Variants in SLCO3A1 observed in about 807,000 individuals in gnomAD.
SLCO3A1 encodes the protein PGE1 transporter.
Under a neutral mutation model 63.1 loss-of-function variants are expected in SLCO3A1, and 27 were observed. The ratio of observed to expected loss-of-function variants is 0.43; its 90% CI spans 0.32 to 0.59. SLCO3A1 has a LOEUF of 0.59. Among genes scored for constraint, SLCO3A1 ranks in the 20% least tolerant of loss-of-function variants. The probability of loss-of-function intolerance (pLI) is 0.09; values close to 1 mark genes in which losing one functional copy is unlikely to be tolerated. For synonymous variants in SLCO3A1, 473 were observed against 409.9 expected, an observed-to-expected ratio of 1.15 and a Z score of -1.86; for missense variants, 773 against 945.8, an observed-to-expected ratio of 0.82 and a Z score of 2.40.
intron 2 of SLCO3A1, among the ~76,000 whole-genome samples, chr15:91,956,985 A>ACTATATTAT (rs1297821954): frequency 6.0e-5 from 1 of 16,568 alleles, no homozygotes; most frequent in African/African-American, 7.5e-4. Context: ...TAGTATATAT[A>ACTATATTAT]ATATATAGTA....
chr15:92,170,469 C>A (rs1325368518), downstream of SLCO3A1, among the ~76,000 whole-genome samples: 1 of 152,178 alleles, frequency 6.6e-6, no homozygotes, highest in Admixed American at 6.5e-5. Flanking sequence ...TAAAGCTCAG[C>A]AAATCCAACC....
chr15:91,873,805 G>C (rs1275591825), intron 1 of SLCO3A1, among the ~76,000 whole-genome samples: 1 of 152,018 alleles, frequency 6.6e-6, no homozygotes, highest in Non-Finnish European at 1.5e-5. Flanking sequence ...GCCATTTCTA[G>C]CTCTATACCT....
intron 2 of SLCO3A1, among the ~76,000 whole-genome samples, chr15:91,990,456 C>G (rs1226525026): frequency 2.0e-5 from 3 of 152,084 alleles, no homozygotes; most frequent in African/African-American, 7.2e-5. Context: ...GACCATCCTT[C>G]TCAGACTCCT....
chr15:91,897,137 A>G lies in SLCO3A1; in HGVS notation c.181-18856A>G, dbSNP rs1438988876. On this transcript the variant is annotated intron_variant, in intron 1 of 9. Coordinates refer to ENST00000318445, the MANE Select transcript of SLCO3A1 (RefSeq NM_013272.4). The surrounding 1 kb of genome is among the most constrained non-coding windows in gnomAD (Gnocchi z 4.7). ...ATAAGTTCCTACCACACTATTTGCC[A>G]TTGTCTATACAATTGTTGCTTTTAA... Among the ~76,000 whole-genome samples the G allele has an allele frequency of 6.6e-6, 1 of 152,186 alleles. No individual in the cohort carries two copies. Among genetic ancestry groups the G allele is most frequent in the Non-Finnish European group, 1.5e-5 (1 of 68,036 alleles).
At chr15:92,006,235 G>A (rs12148487) in intron 2 of SLCO3A1, among the ~76,000 whole-genome samples, 18,696 of 152,178 alleles carry the variant, frequency 0.12, 1,239 homozygotes, top group Non-Finnish European at 0.15. Flanking sequence ...TCTGCACTTC[G>A]AGAAAGAGCA....
chr15:92,169,180 T>C (rs541639313), downstream of SLCO3A1, among the ~76,000 whole-genome samples: 4 of 152,330 alleles, frequency 2.6e-5, no homozygotes, highest in East Asian at 3.9e-4. Context: ...GGAGCTGTTA[T>C]TGGCTTCATT....
intron 1 of SLCO3A1, among the ~76,000 whole-genome samples, chr15:91,861,605 A>G (rs1234825475): frequency 6.6e-6 from 1 of 152,130 alleles, no homozygotes; most frequent in Non-Finnish European, 1.5e-5. Flanking sequence ...AAAAGCAAAA[A>G]GTAACATAGG....
At chr15:91,906,196 C>T (rs12593787) in intron 1 of SLCO3A1, among the ~76,000 whole-genome samples, 112,956 of 152,208 alleles carry the variant, frequency 0.74, 43,247 homozygotes, top group East Asian at 0.97. Context: ...AAATGTTCAA[C>T]ATGATTGTAT....
At chr15:92,134,320 A>G (rs185461827) in intron 7 of SLCO3A1, among the ~76,000 whole-genome samples, 61 of 152,340 alleles carry the variant, frequency 4.0e-4, no homozygotes, top group African/African-American at 1.5e-3. Context: ...GACTATTCTG[A>G]AATCAAACCC....
Position 91,950,824 on chromosome 15 carries a change from G to A in SLCO3A1, c.646+34366G>A, listed in dbSNP as rs1037200922. Among the ~76,000 whole-genome samples, 3 of 151,990 alleles carry A rather than the reference G, an allele frequency of 2.0e-5. No homozygotes were observed. The highest frequency in any genetic ancestry group is 7.3e-5 in the African/African-American group (3 of 41,352). Reference sequence around the variant, plus strand: ...ATGCTAATTCTGCCTTTAGTAATTTGATGACAGAGACTTCTTGGGAACCAC... The same window carrying A: ...ATGCTAATTCTGCCTTTAGTAATTTAATGACAGAGACTTCTTGGGAACCAC... On this transcript the variant is annotated intron_variant, in intron 2 of 9. Coordinates refer to ENST00000318445, the MANE Select transcript of SLCO3A1 (RefSeq NM_013272.4). This position sits in a 1 kb window ranked among gnomAD's most constrained non-coding sequence, Gnocchi z 4.4.
chr15:92,069,089 TCCCCCCG>T (rs869265918), intron 2 of SLCO3A1, among the ~76,000 whole-genome samples: 647 of 59,032 alleles, frequency 0.011, 5 homozygotes, highest in African/African-American at 0.032. Context: ...ATTCAAGGGC[TCCCCCCG>T]CCCCCCCCCC....
intron 7 of SLCO3A1, among the ~76,000 whole-genome samples, chr15:92,133,596 G>A (rs2048022142): frequency 1.4e-5 from 2 of 145,008 alleles, no homozygotes; most frequent in African/African-American, 5.0e-5. Flanking sequence ...TCTTACAGGA[G>A]CATGAACTTA....
chr15:92,142,716 A>AC (rs2048150342), intron 7 of SLCO3A1, among the ~76,000 whole-genome samples: 1 of 152,056 alleles, frequency 6.6e-6, no homozygotes, highest in Non-Finnish European at 1.5e-5. Flanking sequence ...CATTTAGCTC[A>AC]CCCGGATGGG....
At chr15:92,130,884 GCAAAAAAAA>G (rs1488638139) in intron 7 of SLCO3A1, among the ~76,000 whole-genome samples, 9 of 107,332 alleles carry the variant, frequency 8.4e-5, no homozygotes, top group Middle Eastern at 5.2e-3. Context: ...CAAGTTCGGG[GCAAAAAAAA>G]AAAAAAAAAA....
At chr15:92,135,316 C>G (rs2048043883) in intron 7 of SLCO3A1, among the ~76,000 whole-genome samples, 1 of 152,172 alleles carries the variant, frequency 6.6e-6, no homozygotes, top group Non-Finnish European at 1.5e-5. Context: ...TTCCTCCCCT[C>G]AGCAGGAGAT....
intron 1 of SLCO3A1, among the ~76,000 whole-genome samples, chr15:91,914,092 T>C (rs1410685258): frequency 6.6e-6 from 1 of 152,200 alleles, no homozygotes. Context: ...TACATGTATG[T>C]GTTGTTGACT....
At chr15:92,129,137 C>A (rs1376221014) in intron 7 of SLCO3A1, among the ~76,000 whole-genome samples, 1 of 152,214 alleles carries the variant, frequency 6.6e-6, no homozygotes, top group Non-Finnish European at 1.5e-5. Context: ...GGCACCTGCC[C>A]TGTGGAGGCC....
intron 2 of SLCO3A1, among the ~76,000 whole-genome samples, chr15:92,084,558 C>G (rs1404057081): frequency 6.6e-6 from 1 of 152,182 alleles, no homozygotes; most frequent in Admixed American, 6.5e-5. Context: ...CCCAGGAGAC[C>G]TTGAGGGTCA....
At chr15:92,151,221 C>T (rs1441170112) in intron 9 of SLCO3A1, 4 of 512,592 alleles carry the variant, frequency 7.8e-6, no homozygotes, top group Non-Finnish European at 1.4e-5. Flanking sequence ...TCATTTATAC[C>T]AACTCTTATC....
Sources: gnomAD v4.1 joint callset for allele counts (sites outside exome capture counted in the v4.1 genomes callset) on GRCh38, gnomAD v4.1.1 for gene constraint, Gnocchi (gnomAD v3.1) non-coding constraint, MANE v1.5 for transcripts, NCBI Gene and HGNC (gene_info 2026-07-23, HGNC 2026-07-21) for gene names.